The following RYR2 variants were observed in gnomAD, a reference collection of about 807,000 sequenced individuals.
RYR2 encodes ryanodine receptor 2.
In RYR2, 227 loss-of-function variants were observed where a neutral mutation model predicts 601.1. The observed-to-expected ratio is 0.38, with a 90% CI of 0.34 to 0.42. The LOEUF (loss-of-function observed/expected upper bound fraction) is 0.42. Among genes scored for constraint, RYR2 ranks in the 10% least tolerant of loss-of-function variants. The pLI is 1.00. For missense variants in RYR2, 4,646 were observed against 6,156.5 expected, an observed-to-expected ratio of 0.75 and a Z score of 8.21; for synonymous variants, 2,223 against 2,175.1, an observed-to-expected ratio of 1.02 and a Z score of -0.61.
chr1:237,660,377 T>C (rs1371006152), intron 55 of RYR2, among the ~76,000 whole-genome samples: 1 of 152,154 alleles, frequency 6.6e-6, no homozygotes, highest in East Asian at 1.9e-4. Flanking sequence ...GCTTAAGAGT[T>C]TCTTGATGAG....
At chr1:237,804,129 ACAAACCGTTATC>A (rs1660328599) in intron 98 of RYR2, among the ~76,000 whole-genome samples, 1 of 152,042 alleles carries the variant, frequency 6.6e-6, no homozygotes, top group Admixed American at 6.6e-5. Context: ...GCCATTTTTC[ACAAACCGTTATC>A]CTTCTCATGG....
chr1:237,798,293 A>G lies in RYR2; in HGVS notation c.14090+123A>G. On this transcript the variant is annotated intron_variant, in intron 97 of 104. Coordinates refer to ENST00000366574, the MANE Select transcript of RYR2 (RefSeq NM_001035.3). ...TCAGAAGAATAGATAGATGAGGAAA[A>G]CAGAAAGTATATAAAGTCTACTTTT... is the stretch of plus-strand genomic sequence containing the variant. 3 of 860,914 alleles carry G rather than the reference A, an allele frequency of 3.5e-6. No homozygotes were observed. The East Asian group carries it at 8.6e-5, about 25-fold the overall frequency. 53.3% of individuals were successfully genotyped at this position (860,914 alleles called of 1,614,324 possible). A position where few individuals can be genotyped will look rare whatever the true frequency, so the allele number is the denominator to read the frequency against.
chr1:237,621,572 GCAC>G (rs1679080357), intron 38 of RYR2, among the ~76,000 whole-genome samples: 1 of 152,088 alleles, frequency 6.6e-6, no homozygotes, highest in African/African-American at 2.4e-5. Flanking sequence ...ACTTATCATG[GCAC>G]ACCCTGCTGA....
intron 29 of RYR2, among the ~76,000 whole-genome samples, chr1:237,583,801 A>G (rs1674196184): frequency 6.6e-6 from 1 of 152,116 alleles, no homozygotes; most frequent in Non-Finnish European, 1.5e-5. Context: ...TTTTGCCCCT[A>G]CATCTTTGGG....
chr1:237,061,715 CT>C (rs1662916183), intron 1 of RYR2, among the ~76,000 whole-genome samples: 1 of 152,080 alleles, frequency 6.6e-6, no homozygotes, highest in Non-Finnish European at 1.5e-5. Context: ...CTTTTCCCCC[CT>C]CTGTTACTGA....
intron 79 of RYR2, among the ~76,000 whole-genome samples, chr1:237,738,336 G>A (rs918155191): frequency 1.3e-5 from 2 of 152,056 alleles, no homozygotes; most frequent in African/African-American, 4.8e-5. Flanking sequence ...TACTTTTAAA[G>A]TTACTTAGTC....
At chr1:237,320,477 A>C (rs80087194) in intron 2 of RYR2, among the ~76,000 whole-genome samples, 4,326 of 152,240 alleles carry the variant, frequency 0.028, 94 homozygotes, top group Non-Finnish European at 0.046. Flanking sequence ...ATTAGCTTCA[A>C]CTATAGGTTT....
chr1:237,716,589 A>C (rs1689283726), intron 71 of RYR2, among the ~76,000 whole-genome samples: 2 of 152,220 alleles, frequency 1.3e-5, no homozygotes, highest in South Asian at 4.1e-4. Context: ...GTAACATGGC[A>C]GTATTCAGTT....
chr1:237,427,389 T>C (rs1706283750), intron 12 of RYR2, among the ~76,000 whole-genome samples: 1 of 152,118 alleles, frequency 6.6e-6, no homozygotes, highest in Non-Finnish European at 1.5e-5. Context: ...ATTAAAATAA[T>C]TTCATATTTG....
At chr1:237,593,952 A>T (rs1675522447) in intron 33 of RYR2, among the ~76,000 whole-genome samples, 1 of 152,192 alleles carries the variant, frequency 6.6e-6, no homozygotes, top group African/African-American at 2.4e-5. Flanking sequence ...AGATGGGTGA[A>T]TGTGCGGCTT....
At chr1:237,639,546 G>A (rs182266819) in intron 46 of RYR2, among the ~76,000 whole-genome samples, 1 of 152,262 alleles carries the variant, frequency 6.6e-6, no homozygotes, top group Admixed American at 6.5e-5. Flanking sequence ...TGGGAAGGTA[G>A]TTAGAATGAG....
At chr1:237,492,009 T>C in intron 18 of RYR2, 85 bp downstream of exon 18, 2 of 689,826 alleles carry the variant, frequency 2.9e-6, no homozygotes, top group South Asian at 1.7e-5. Context: ...AAAAAGTGTG[T>C]CAAATTTTTC....
chr1:237,588,698 T>G (rs1379431597), intron 29 of RYR2, among the ~76,000 whole-genome samples: 1 of 152,162 alleles, frequency 6.6e-6, no homozygotes, highest in Non-Finnish European at 1.5e-5. Flanking sequence ...CCGGACGCAG[T>G]GGCGTGCACC....
intron 10 of RYR2, among the ~76,000 whole-genome samples, chr1:237,401,464 A>G (rs1558756580): frequency 6.6e-6 from 1 of 152,192 alleles, no homozygotes; most frequent in Non-Finnish European, 1.5e-5. Context: ...CTCACAGAAC[A>G]CAGATGTTAT....
At chr1:237,254,960 T>A (rs1163536411) in intron 1 of RYR2, among the ~76,000 whole-genome samples, 1 of 152,226 alleles carries the variant, frequency 6.6e-6, no homozygotes. Context: ...CTTTATGTGC[T>A]AATGGGAACA....
chr1:237,512,878 A>T (rs1666051571), intron 24 of RYR2, among the ~76,000 whole-genome samples: 1 of 152,114 alleles, frequency 6.6e-6, no homozygotes, highest in African/African-American at 2.4e-5. Flanking sequence ...CTCAAAAATG[A>T]TAGTAATAAA....
At chr1:237,210,766 G>C (rs560421535) in intron 1 of RYR2, among the ~76,000 whole-genome samples, 1 of 152,194 alleles carries the variant, frequency 6.6e-6, no homozygotes, top group Non-Finnish European at 1.5e-5. Context: ...TGGAAAGCAG[G>C]CACCGGGGAC....
intron 3 of RYR2, among the ~76,000 whole-genome samples, chr1:237,337,640 A>G (rs1302805794): frequency 1.3e-5 from 2 of 152,100 alleles, no homozygotes; most frequent in Non-Finnish European, 2.9e-5. Flanking sequence ...GTGTAGAACA[A>G]TCGTGGCATG....
In RYR2 at chr1:237,106,342, G is replaced by A. The variant is rs1180464907; in HGVS notation, c.48+63773G>A. ...TTGCAGCACGGTGGCAGCAGGGGGA[G>A]GTGGCACCGAGCAGCAGGACCCTGG... On this transcript the variant is annotated intron_variant, in intron 1 of 104. Coordinates refer to ENST00000366574, the MANE Select transcript of RYR2 (RefSeq NM_001035.3). This position sits in a 1 kb window ranked among gnomAD's most constrained non-coding sequence, Gnocchi z 4.4. 2.6e-5 allele frequency among the ~76,000 whole-genome samples: 4 copies of A among 152,166 alleles called. No individual in the cohort carries two copies. The highest frequency in any genetic ancestry group is 7.2e-5 in the African/African-American group (3 of 41,444).
Sources: allele counts gnomAD v4.1 joint callset (sites outside exome capture counted in the v4.1 genomes callset), GRCh38; gene constraint gnomAD v4.1.1; non-coding constraint Gnocchi (gnomAD v3.1); transcripts MANE v1.5; gene names NCBI Gene and HGNC (gene_info 2026-07-23, HGNC 2026-07-21).